Variants in KIAA1549L observed in about 807,000 individuals in gnomAD.
The protein encoded by KIAA1549L is KIAA1549 like, also known as UPF0606 protein KIAA1549L.
Under a neutral mutation model 160.7 loss-of-function variants are expected in KIAA1549L, and 88 were observed. That is an observed-to-expected ratio of 0.55 (90% CI 0.46 to 0.65). KIAA1549L has a LOEUF of 0.65. KIAA1549L is among the 30% of genes least tolerant of loss of function. The pLI is 0.00. For missense variants in KIAA1549L, 2,258 were observed against 2,437.5 expected (o/e 0.93, Z 1.55); for synonymous variants, 950 against 976.7 (o/e 0.97, Z 0.51).
chr11:33,503,862 C>G (rs1051187154), intron 1 of KIAA1549L, among the ~76,000 whole-genome samples: 1 of 152,216 alleles, frequency 6.6e-6, no homozygotes, highest in Non-Finnish European at 1.5e-5. Flanking sequence ...GCTTGCTCTT[C>G]CAAAATGCAG....
At chr11:33,559,215 C>T (rs1854755160) in intron 6 of KIAA1549L, among the ~76,000 whole-genome samples, 1 of 152,154 alleles carries the variant, frequency 6.6e-6, no homozygotes, top group African/African-American at 2.4e-5. Context: ...GCTCCTGGTC[C>T]TTTCAACTTT....
intron 9 of KIAA1549L, among the ~76,000 whole-genome samples, chr11:33,572,572 A>G (rs1855299893): frequency 6.6e-6 from 1 of 152,210 alleles, no homozygotes; most frequent in African/African-American, 2.4e-5. Flanking sequence ...ACTCTTTTGT[A>G]TAAAGCTTTT....
chr11:33,507,923 G>A (rs1050581142), intron 1 of KIAA1549L, among the ~76,000 whole-genome samples: 2 of 152,118 alleles, frequency 1.3e-5, no homozygotes, highest in African/African-American at 2.4e-5. Flanking sequence ...TGACTCCATG[G>A]GAGGGCTGAA....
intron 1 of KIAA1549L, among the ~76,000 whole-genome samples, chr11:33,435,788 ATATATAT>A (rs1432268737): frequency 7.5e-5 from 2 of 26,510 alleles, no homozygotes; most frequent in African/African-American, 2.6e-4. Context: ...ATATATATAT[ATATATAT>A]ATATATATAT....
intron 1 of KIAA1549L, among the ~76,000 whole-genome samples, chr11:33,474,170 A>T (rs1186904717): frequency 6.6e-6 from 1 of 152,176 alleles, no homozygotes; most frequent in African/African-American, 2.4e-5. Flanking sequence ...GCCATGACCA[A>T]AACACCTCCC....
chr11:33,660,405 A>T (rs1463739098), intron 19 of KIAA1549L, among the ~76,000 whole-genome samples: 1 of 152,162 alleles, frequency 6.6e-6, no homozygotes, highest in Non-Finnish European at 1.5e-5. Context: ...CTCTACTAAA[A>T]ATACAAAAAA....
chr11:33,535,891 C>T (rs1853882800), intron 1 of KIAA1549L, among the ~76,000 whole-genome samples: 1 of 152,118 alleles, frequency 6.6e-6, no homozygotes, highest in South Asian at 2.1e-4. Context: ...TTATTTTCTC[C>T]TTCTCCCTAA....
chr11:33,485,519 C>T (rs1191284723), intron 1 of KIAA1549L, among the ~76,000 whole-genome samples: 2 of 151,036 alleles, frequency 1.3e-5, no homozygotes, highest in Non-Finnish European at 3.0e-5. Flanking sequence ...AAGATATTTC[C>T]AGATTAAAAA....
intron 1 of KIAA1549L, among the ~76,000 whole-genome samples, chr11:33,510,359 G>C (rs572897981): frequency 2.6e-5 from 4 of 152,004 alleles, no homozygotes; most frequent in African/African-American, 9.7e-5. Context: ...CTAATTTTTC[G>C]TACTTGTAGT....
chr11:33,628,078 C>T (rs1202621164), intron 16 of KIAA1549L, among the ~76,000 whole-genome samples: 2 of 151,960 alleles, frequency 1.3e-5, no homozygotes, highest in African/African-American at 4.8e-5. Context: ...GTTCAGTTTC[C>T]ATGTAGTTGA....
intron 16 of KIAA1549L, among the ~76,000 whole-genome samples, chr11:33,620,276 A>C (rs190027800): frequency 2.7e-4 from 41 of 152,328 alleles, no homozygotes; most frequent in African/African-American, 9.6e-4. Context: ...TACCAAGTAC[A>C]TGTTACTTTA....
chr11:33,623,889 G>A (rs527247916), intron 16 of KIAA1549L, among the ~76,000 whole-genome samples: 1 of 152,296 alleles, frequency 6.6e-6, no homozygotes, highest in South Asian at 2.1e-4. Flanking sequence ...CTATCTGCCT[G>A]CATCTTCTCT....
chr11:33,455,193 C>T (rs1049188691), intron 1 of KIAA1549L, among the ~76,000 whole-genome samples: 10 of 152,196 alleles, frequency 6.6e-5, no homozygotes, highest in African/African-American at 2.4e-4. Flanking sequence ...GCTTGGTTAG[C>T]TACAAGACCC....
intron 1 of KIAA1549L, among the ~76,000 whole-genome samples, chr11:33,384,922 A>G (rs550072834): frequency 4.7e-5 from 7 of 148,494 alleles, no homozygotes; most frequent in Admixed American, 4.7e-4. Flanking sequence ...TCATTTTATT[A>G]ACAGCGTTTT....
chr11:33,607,739 C>T (rs552540924), intron 14 of KIAA1549L, among the ~76,000 whole-genome samples: 352 of 152,286 alleles, frequency 2.3e-3, no homozygotes, highest in Non-Finnish European at 4.1e-3. Flanking sequence ...TATGGCCCTA[C>T]AAAACCAGGT....
At chr11:33,474,476 C>T (rs1324702720) in intron 1 of KIAA1549L, among the ~76,000 whole-genome samples, 2 of 152,256 alleles carry the variant, frequency 1.3e-5, no homozygotes, top group Non-Finnish European at 2.9e-5. Flanking sequence ...AGAGCTCTTT[C>T]TCTCGCTGTC....
chr11:33,445,576 A>C (rs1471518737), intron 1 of KIAA1549L, among the ~76,000 whole-genome samples: 2 of 152,208 alleles, frequency 1.3e-5, no homozygotes, highest in African/African-American at 4.8e-5. Flanking sequence ...TCTGTCTCCA[A>C]GTAGCTTATT....
chr11:33,607,495 G>A (rs1447284899), intron 14 of KIAA1549L, among the ~76,000 whole-genome samples: 1 of 152,188 alleles, frequency 6.6e-6, no homozygotes, highest in Non-Finnish European at 1.5e-5. Context: ...AGAATGGCCA[G>A]TGGATTGCAA....
At chr11:33,505,572 T>C (rs1255467722) in intron 1 of KIAA1549L, among the ~76,000 whole-genome samples, 2 of 152,238 alleles carry the variant, frequency 1.3e-5, no homozygotes, top group Non-Finnish European at 2.9e-5. Flanking sequence ...CATTTCCCTC[T>C]TACTATCTTC....
Sources: gnomAD v4.1 joint callset for allele counts (sites outside exome capture counted in the v4.1 genomes callset) on GRCh38, gnomAD v4.1.1 for gene constraint, MANE v1.5 for transcripts, NCBI Gene and HGNC (gene_info 2026-07-23, HGNC 2026-07-21) for gene names.